AKAP19: variants seen among roughly 807,000 people sequenced by gnomAD.
The protein encoded by AKAP19 is small A-kinase anchoring protein.
chr2:190,007,290 T>C, the AKAP19 span, among the ~76,000 whole-genome samples: 1 of 152,184 alleles, frequency 6.6e-6, no homozygotes, highest in African/African-American at 2.4e-5. Flanking sequence ...GTCCAAAAAT[T>C]GAGTGGGAAC....
the AKAP19 span, among the ~76,000 whole-genome samples, chr2:189,912,104 AG>A: frequency 7.0e-6 from 1 of 142,092 alleles, no homozygotes; most frequent in Non-Finnish European, 1.6e-5. Flanking sequence ...TATACCACAC[AG>A]CATGTACATA....
the AKAP19 span, among the ~76,000 whole-genome samples, chr2:190,067,196 G>A: frequency 6.6e-6 from 1 of 152,170 alleles, no homozygotes; most frequent in Non-Finnish European, 1.5e-5. Context: ...GAGTCATGAT[G>A]TCTTCATACA....
At chr2:189,984,645 T>G in the AKAP19 span, among the ~76,000 whole-genome samples, 1 of 152,194 alleles carries the variant, frequency 6.6e-6, no homozygotes, top group South Asian at 2.1e-4. Context: ...CACAAGGGTA[T>G]TGATTGGGGA....
At chr2:189,905,690 A>T in the AKAP19 span, among the ~76,000 whole-genome samples, 1 of 152,052 alleles carries the variant, frequency 6.6e-6, no homozygotes, top group Non-Finnish European at 1.5e-5. Context: ...CCAAGCTCTC[A>T]TTAGCAGTAC....
At chr2:190,029,318 C>T in the AKAP19 span, among the ~76,000 whole-genome samples, 1 of 152,066 alleles carries the variant, frequency 6.6e-6, no homozygotes, top group African/African-American at 2.4e-5. Flanking sequence ...TCCGAGAGTG[C>T]AGGGATTACA....
At chr2:189,976,319 G>A in the AKAP19 span, among the ~76,000 whole-genome samples, 1 of 152,224 alleles carries the variant, frequency 6.6e-6, no homozygotes, top group African/African-American at 2.4e-5. Context: ...AAATGTTGCT[G>A]CCTGATCATT....
At chr2:190,014,634 C>G in the AKAP19 span, among the ~76,000 whole-genome samples, 1 of 151,964 alleles carries the variant, frequency 6.6e-6, no homozygotes, top group Non-Finnish European at 1.5e-5. Flanking sequence ...CAACAGTCCT[C>G]AAATGTCCTT....
the AKAP19 span, among the ~76,000 whole-genome samples, chr2:190,071,757 C>T: frequency 9.2e-5 from 14 of 151,442 alleles, no homozygotes; most frequent in South Asian, 4.2e-4. Flanking sequence ...ATAAAGTGAA[C>T]GATGGGTTTA....
chr2:189,976,644 T>A, the AKAP19 span, among the ~76,000 whole-genome samples: 3 of 152,250 alleles, frequency 2.0e-5, no homozygotes, highest in Non-Finnish European at 4.4e-5. Flanking sequence ...GCTTCCTGGC[T>A]GCTTTGTTTA....
chr2:190,071,060 C>A, the AKAP19 span, among the ~76,000 whole-genome samples: 1 of 152,116 alleles, frequency 6.6e-6, no homozygotes, highest in Admixed American at 6.5e-5. Flanking sequence ...ATGATCCCAA[C>A]TGAGTGTGGG....
the AKAP19 span, among the ~76,000 whole-genome samples, chr2:190,030,502 G>A: frequency 6.6e-3 from 1,006 of 152,164 alleles, 6 homozygotes; most frequent in Middle Eastern, 0.014. Flanking sequence ...CCCGTGTTTT[G>A]CCACCTCATG....
At chr2:189,961,785 A>G in the AKAP19 span, among the ~76,000 whole-genome samples, 1 of 151,836 alleles carries the variant, frequency 6.6e-6, no homozygotes, top group Non-Finnish European at 1.5e-5. Flanking sequence ...GGTGGAGCAC[A>G]CCTGTAGCCC....
the AKAP19 span, among the ~76,000 whole-genome samples, chr2:190,043,343 T>G: frequency 2.0e-5 from 3 of 152,220 alleles, no homozygotes; most frequent in Non-Finnish European, 4.4e-5. Context: ...GATTCATAGA[T>G]TTGGCCCCTT....
the AKAP19 span, among the ~76,000 whole-genome samples, chr2:190,183,148 C>G: frequency 6.6e-5 from 10 of 152,198 alleles, no homozygotes; most frequent in Non-Finnish European, 1.3e-4. Context: ...GAGTCTGGCC[C>G]TGATACCTAT....
chr2:189,999,589 T>C, the AKAP19 span, among the ~76,000 whole-genome samples: 1 of 152,244 alleles, frequency 6.6e-6, no homozygotes, highest in Non-Finnish European at 1.5e-5. Flanking sequence ...TTTAGACTTT[T>C]TTTGTAAGTA....
At chr2:189,924,880 G>GA in the AKAP19 span, among the ~76,000 whole-genome samples, 112 of 150,546 alleles carry the variant, frequency 7.4e-4, no homozygotes, top group Non-Finnish European at 5.9e-5. Context: ...TAAACCAGGG[G>GA]AAAAAATAAA....
chr2:190,186,934 G>C, the AKAP19 span, among the ~76,000 whole-genome samples: 1 of 152,072 alleles, frequency 6.6e-6, no homozygotes, highest in Non-Finnish European at 1.5e-5. This position sits in a 1 kb window ranked among gnomAD's most constrained non-coding sequence, Gnocchi z 5.5. Context: ...CCGCCTCCCA[G>C]GTTCAAGTGA....
the AKAP19 span, among the ~76,000 whole-genome samples, chr2:189,896,142 G>A: frequency 1.5e-4 from 23 of 152,022 alleles, no homozygotes; most frequent in South Asian, 4.2e-3. Flanking sequence ...ACTTTCTTGA[G>A]ATATACAAAT....
chr2:189,922,685 C>A, the AKAP19 span, among the ~76,000 whole-genome samples: 2 of 152,146 alleles, frequency 1.3e-5, no homozygotes, highest in Non-Finnish European at 2.9e-5. Flanking sequence ...ATACTGTAAA[C>A]AAATATCTTT....
Sources: gnomAD v4.1 joint callset for allele counts (sites outside exome capture counted in the v4.1 genomes callset) on GRCh38, gnomAD v4.1.1 for gene constraint, Gnocchi (gnomAD v3.1) non-coding constraint, MANE v1.5 for transcripts, NCBI Gene and HGNC (gene_info 2026-07-23, HGNC 2026-07-21) for gene names.